HELZ2: variants seen among roughly 807,000 people sequenced by gnomAD.
HELZ2 encodes the protein 3'-5' exoribonuclease HELZ2.
Under a neutral mutation model 208.8 loss-of-function variants are expected in HELZ2, and 143 were observed. That is an observed-to-expected ratio of 0.68 (90% confidence interval 0.60 to 0.79). HELZ2 has a LOEUF of 0.79. HELZ2 is among the 30% of genes least tolerant of loss of function. The pLI is 0.00. For missense variants in HELZ2, 3,690 were observed against 3,794.5 expected (o/e 0.97, Z 0.72); for synonymous variants, 1,705 against 1,693.7 (o/e 1.01, Z -0.16).
exon 6 of HELZ2, chr20:63,567,114 G>A (rs1302753275): frequency 6.2e-7 from 1 of 1,611,900 alleles, no homozygotes; most frequent in Non-Finnish European, 8.5e-7. Flanking sequence ...AGCTGACAAT[G>A]GCGTCCGTGC....
At chr20:63,570,512 G>A in exon 3 of HELZ2, 4 of 1,613,048 alleles carry the variant, frequency 2.5e-6, no homozygotes, top group Admixed American at 3.3e-5. Flanking sequence ...ACCTCAGAGT[G>A]GACGGCAAAC....
rs749047651 is a variant in HELZ2, at chr20:63,565,910, G to A, written c.2912C>T (p.Ala971Val). 3.4e-5 allele frequency: 55 copies of A among 1,597,140 alleles called. No individual in the cohort carries two copies. Among genetic ancestry groups the A allele is most frequent in the South Asian group, 2.1e-4 (19 of 90,776 alleles). ...CTCTGGGGCAGCCTCCCAGTTCCCC[G>A]CTGCCCCAGCCTGTGTGCCTCGGGG... The change falls in exon 8 of 19, where the codon GCG (alanine) becomes GTG (valine). Residue 971 changes from alanine to valine, a missense_variant. Physicochemically the swap from Ala to Val is moderately conservative, Grantham distance 64. This residue lies in a region of HELZ2 where 2,564 missense variants were observed against 2,580.5 expected (regional missense o/e 0.99). Coordinates refer to ENST00000467148, the Ensembl canonical transcript of HELZ2.
At chr20:63,559,073 G>T, downstream of HELZ2, 1 of 696,086 alleles carries the variant, frequency 1.4e-6, no homozygotes, top group Non-Finnish European at 2.3e-6. Flanking sequence ...AAGAGTGTGG[G>T]GACCGGCCCT....
chr20:63,570,445 G>T, intron 3 of HELZ2, 59 bp downstream of exon 4: 1 of 1,414,942 alleles, frequency 7.1e-7, no homozygotes, highest in Non-Finnish European at 9.9e-7. Context: ...GTCTGCCCGG[G>T]CTGAAGTCAC....
rs1202550604 is a variant in HELZ2 at position 63,564,781 on chromosome 20, G to A, written c.4041C>T (p.Pro1347=). 10 of 1,611,786 alleles carry A rather than the reference G, an allele frequency of 6.2e-6. No individual in the cohort carries two copies. In the East Asian group the frequency reaches 1.3e-4, roughly 22 times the overall value. The change falls in exon 8 of 19, where the codon CCC becomes CCT. Residue 1347 remains proline, a synonymous_variant. Coordinates refer to ENST00000467148, the Ensembl canonical transcript of HELZ2. ...CATCATCGAGGTTGCAGGCGCCCTG[G>A]GGGTCCACAGTGAAGGTCAAGAAGG...
chr20:63,561,259 C>T, exon 14 of HELZ2: 2 of 1,612,766 alleles, frequency 1.2e-6, no homozygotes, highest in South Asian at 1.1e-5. Flanking sequence ...GAGCCTCCCA[C>T]AAGACCTTCT....
exon 8 of HELZ2, chr20:63,563,416 C>T (rs1306055009): frequency 2.6e-6 from 4 of 1,534,046 alleles, no homozygotes; most frequent in Non-Finnish European, 3.5e-6. Flanking sequence ...TGGATCCCTG[C>T]GCTGAGTAGA....
exon 6 of HELZ2, chr20:63,567,468 G>A: frequency 6.4e-7 from 1 of 1,557,304 alleles, no homozygotes; most frequent in Non-Finnish European, 8.7e-7. Flanking sequence ...TGGGCGGGCG[G>A]AAAGCCTGGC....
exon 8 of HELZ2, chr20:63,562,645 C>A (rs1248244927): frequency 1.3e-6 from 2 of 1,594,242 alleles, no homozygotes; most frequent in Admixed American, 1.7e-5. Context: ...GAGCCTCCTG[C>A]CGGTCTGCCC....
chr20:63,560,380 C>T (rs1037413645), intron 16 of HELZ2, 53 bp from the exon 18 acceptor site: 4 of 1,574,084 alleles, frequency 2.5e-6, no homozygotes, highest in Non-Finnish European at 3.4e-6. Context: ...TCCTGCCCTC[C>T]TCCAGGAAGC....
chr20:63,561,911 G>A (rs763159457), exon 11 of HELZ2: 50 of 1,588,584 alleles, frequency 3.1e-5, no homozygotes, highest in South Asian at 4.5e-5. Context: ...GGGGGCCTCC[G>A]GGCTGCACCT....
intron 5 of HELZ2, 163 bp from the exon 7 acceptor site, chr20:63,567,790 G>A: frequency 7.0e-7 from 1 of 1,436,110 alleles, no homozygotes; most frequent in East Asian, 2.5e-5. Context: ...GGAGTCCAAG[G>A]GGCAAGAGGC....
exon 2 of HELZ2, chr20:63,570,704 C>T (rs756203657): frequency 1.4e-6 from 2 of 1,430,920 alleles, no homozygotes; most frequent in Admixed American, 3.7e-5. Flanking sequence ...CTCACTGCTG[C>T]TGCGCTGGTA....
At chr20:63,569,600 G>A (rs764483269) in exon 4 of HELZ2, 45 of 1,564,464 alleles carry the variant, frequency 2.9e-5, no homozygotes, top group East Asian at 2.2e-4. Flanking sequence ...GCGGGAGGCC[G>A]GGAGCCACCA....
At chr20:63,562,733 C>T (rs778695774) in exon 8 of HELZ2, 3 of 1,602,706 alleles carry the variant, frequency 1.9e-6, no homozygotes, top group South Asian at 2.2e-5. Flanking sequence ...CAGGCCAGGG[C>T]CGAGGCTGCT....
In HELZ2 at chr20:63,572,328, G is replaced by T. The variant is rs1297746980; in HGVS notation, c.58C>A (p.Pro20Thr). 5 of 1,583,490 alleles carry T rather than the reference G, an allele frequency of 3.2e-6. No individual in the cohort carries two copies. The Admixed American group carries it at 5.3e-5, about 17-fold the overall frequency. Residue 20 changes from proline to threonine, a missense_variant, in exon 1 of 19, where the codon CCC becomes ACC. Transcript: ENST00000467148. ...CGCCCGTCGCCATCAGGGGCAGGGG[G>T]TGTGAGCAGGTCCCCCCGCTGGAGG... is the stretch of plus-strand genomic sequence containing the variant.
chr20:63,569,707 C>G (rs2083000061), intron 3 of HELZ2, 42 bp from the exon 5 acceptor site: 2 of 1,461,038 alleles, frequency 1.4e-6, no homozygotes, highest in African/African-American at 1.4e-5. Context: ...CAGGGCTCCC[C>G]CCAACCCTCC....
chr20:63,566,869 A>G (rs367550529), exon 6 of HELZ2: 56 of 1,604,072 alleles, frequency 3.5e-5, no homozygotes, highest in African/African-American at 5.3e-5. Flanking sequence ...AACGACACAG[A>G]TGCACCTCTG....
chr20:63,566,733 C>A (rs1268502160), intron 6 of HELZ2, 111 bp downstream of exon 7: 6 of 1,108,984 alleles, frequency 5.4e-6, no homozygotes, highest in Non-Finnish European at 7.7e-6. Flanking sequence ...AATACTGCAG[C>A]CCCCTCTTAC....
Sources: gnomAD v4.1 joint callset for allele counts on GRCh38, gnomAD v4.1.1 for gene constraint, gnomAD v4.1.1 regional missense constraint, MANE v1.5 for transcripts, NCBI Gene and HGNC (gene_info 2026-07-23, HGNC 2026-07-21) for gene names.